DNAH9: variants seen among roughly 807,000 people sequenced by gnomAD.
DNAH9 encodes dynein axonemal heavy chain 9.
DNAH9 carries 345 observed loss-of-function variants against 471.6 expected under a neutral mutation model. That is an observed-to-expected ratio of 0.73 (90% confidence interval 0.67 to 0.80). The LOEUF (loss-of-function observed/expected upper bound fraction) is 0.80, where lower values mean the gene tolerates loss of function less well. Among genes scored for constraint, DNAH9 ranks in the 30% least tolerant of loss-of-function variants. The pLI, the probability that DNAH9 is intolerant of heterozygous loss-of-function variation, is 0.00. For missense variants in DNAH9, 5,407 were observed against 5,609.2 expected (o/e 0.96, Z 1.15); for synonymous variants, 2,093 against 2,123.6 (o/e 0.99, Z 0.40).
intron 7 of DNAH9, among the ~76,000 whole-genome samples, chr17:11,631,897 G>A (rs963516621): frequency 6.6e-6 from 1 of 151,372 alleles, no homozygotes; most frequent in African/African-American, 2.4e-5. Context: ...AGATTGGCGT[G>A]ACCAATGTTT....
In DNAH9 at chr17:11,962,046, C is replaced by G. The variant is rs1976240543; in HGVS notation, c.13023C>G (p.Pro4341=). Residue 4341 remains proline, a synonymous_variant, in exon 68 of 69, where the codon CCC becomes CCG. Coordinates refer to ENST00000262442, the MANE Select transcript of DNAH9 (RefSeq NM_001372.4). The surrounding 1 kb of genome is among the most constrained non-coding windows in gnomAD (Gnocchi z 4.1). ...LEAWTGDFTM[P]STVWLTGFFN... ...CTTGGACGGGTGACTTTACAATGCC[C>G]TCCACTGTGTGGCTGACAGGCTTCT... is the stretch of plus-strand genomic sequence containing the variant. 1.2e-6 allele frequency: 2 copies of G among 1,614,104 alleles called. No individual in the cohort carries two copies. Among genetic ancestry groups the G allele is most frequent in the Non-Finnish European group, 1.7e-6 (2 of 1,180,052 alleles).
intron 43 of DNAH9, among the ~76,000 whole-genome samples, chr17:11,801,578 A>C (rs4791477): frequency 0.74 from 112,931 of 152,066 alleles, 42,799 homozygotes; most frequent in African/African-American, 0.89. Context: ...GAAATCCCAG[A>C]TACTCGGGAG....
chr17:11,766,982 A>G (rs12951663), intron 36 of DNAH9, among the ~76,000 whole-genome samples: 97,974 of 150,440 alleles, frequency 0.65, 33,051 homozygotes, highest in East Asian at 0.84. Flanking sequence ...AAAAAAAAAA[A>G]AAAGAAAGAA....
At position 11,701,174 on chromosome 17, in the gene DNAH9, A is replaced by G. The variant is rs1250173930; in HGVS notation, c.5078A>G (p.His1693Arg). Reference sequence around the variant, plus strand: ...GGTCACATGAAGGCCACTGTGAGGCATGAGATGACAGAAGGTGTAACTGCC... The same window carrying G: ...GGTCACATGAAGGCCACTGTGAGGCGTGAGATGACAGAAGGTGTAACTGCC... ...VLGHMKATVR[H>R]EMTEGVTAYE... is the part of the protein sequence containing the mutation. Residue 1693 changes from histidine to arginine, a missense_variant, in exon 24 of 69, where the codon CAT (histidine) becomes CGT (arginine). Coordinates refer to ENST00000262442, the MANE Select transcript of DNAH9 (RefSeq NM_001372.4). The G allele has an allele frequency of 1.2e-6, 2 of 1,614,032 alleles. No homozygotes were observed. The highest frequency in any genetic ancestry group is 1.7e-6 in the Non-Finnish European group (2 of 1,180,002).
At chr17:11,750,977 T>C (rs1004893003) in intron 32 of DNAH9, among the ~76,000 whole-genome samples, 27 of 152,016 alleles carry the variant, frequency 1.8e-4, no homozygotes, top group Non-Finnish European at 8.8e-5. Context: ...TGGTTCGCTG[T>C]AAAGACCAAT....
chr17:11,807,768 A>G lies in DNAH9; in HGVS notation c.8457A>G (p.Gly2819=). ...HINRILESPR[G]NALLVGVGGS... is the part of the protein sequence containing the mutation. ...ATCGCATCTTGGAGTCCCCGCGGGG[A>G]AATGCTCTGCTGGTTGGTGTAGGTG... The change falls in exon 44 of 69, where the codon GGA becomes GGG. Residue 2819 remains glycine, a synonymous_variant. Transcript: ENST00000262442. 3.1e-6 allele frequency: 5 copies of G among 1,613,004 alleles called. No homozygotes were observed. Among genetic ancestry groups the G allele is most frequent in the Non-Finnish European group, 4.2e-6 (5 of 1,179,180 alleles).
rs1387288950 is a variant in DNAH9 at position 11,660,715 on chromosome 17, A to G, written c.2596-4118A>G. Among the ~76,000 whole-genome samples, 3 of 152,298 alleles carry G rather than the reference A, an allele frequency of 2.0e-5. No homozygotes were observed. The East Asian group carries it at 5.8e-4, about 29-fold the overall frequency. On this transcript the variant is annotated intron_variant, in intron 14 of 68. Coordinates refer to ENST00000262442, the MANE Select transcript of DNAH9 (RefSeq NM_001372.4). Reference sequence around the variant, plus strand: ...CTTCTCTGGATATCTTTAAAAATTGATATCTAATTTAATTCTATTGTGCTC... The same window carrying G: ...CTTCTCTGGATATCTTTAAAAATTGGTATCTAATTTAATTCTATTGTGCTC...
chr17:11,944,911 T>G (rs1484143126), intron 67 of DNAH9, among the ~76,000 whole-genome samples: 1 of 152,078 alleles, frequency 6.6e-6, no homozygotes, highest in East Asian at 1.9e-4. Flanking sequence ...AAAATGAAGG[T>G]GCAAAGGGGA....
chr17:11,793,329 T>G (rs1196783922), intron 41 of DNAH9, among the ~76,000 whole-genome samples, 174 bp from the exon 42 acceptor site: 1 of 152,164 alleles, frequency 6.6e-6, no homozygotes, highest in Admixed American at 6.5e-5. Context: ...CTTGGGTCTT[T>G]CTTTACAAGC....
intron 1 of DNAH9, among the ~76,000 whole-genome samples, chr17:11,604,767 A>G (rs1414262588): frequency 6.6e-6 from 1 of 151,966 alleles, no homozygotes; most frequent in Non-Finnish European, 1.5e-5. Flanking sequence ...CAAAATTTGT[A>G]TGGAATCAGG....
At chr17:11,750,573 G>C (rs1407667327) in intron 32 of DNAH9, among the ~76,000 whole-genome samples, 2 of 152,056 alleles carry the variant, frequency 1.3e-5, no homozygotes, top group Non-Finnish European at 2.9e-5. Context: ...TCAATTTACA[G>C]GTCACATTCT....
intron 20 of DNAH9, among the ~76,000 whole-genome samples, chr17:11,692,567 C>T (rs2074353519): frequency 6.6e-6 from 1 of 152,194 alleles, no homozygotes; most frequent in African/African-American, 2.4e-5. Flanking sequence ...GATCCACTAT[C>T]TACTTACGAA....
At chr17:11,875,568 C>A (rs1341842618) in intron 53 of DNAH9, among the ~76,000 whole-genome samples, 2 of 152,186 alleles carry the variant, frequency 1.3e-5, no homozygotes, top group African/African-American at 4.8e-5. Context: ...CTCTCCTCTA[C>A]CCATTATTTC....
In DNAH9 at chr17:11,834,827, T is replaced by G. The variant is rs1970793303; in HGVS notation, c.9436T>G (p.Cys3146Gly). 1.7e-5 allele frequency: 28 copies of G among 1,613,912 alleles called. No homozygotes were observed. Among genetic ancestry groups the G allele is most frequent in the Non-Finnish European group, 2.3e-5 (27 of 1,180,026 alleles). ...MLEVKQKQKD[C>G]EEDLAKAEPA... ...AGAGGTGAAACAGAAGCAGAAGGAC[T>G]GTGAGGAGGACCTGGCAAAGGCTGA... The change falls in exon 49 of 69, where the codon TGT becomes GGT. Residue 3146 changes from cysteine (C) to glycine (G), a missense_variant. By Grantham distance (159) the Cys-to-Gly change is radical (BLOSUM62 -3). Coordinates refer to ENST00000262442, the MANE Select transcript of DNAH9 (RefSeq NM_001372.4).
chr17:11,800,792 A>G (rs1247243737), intron 43 of DNAH9, among the ~76,000 whole-genome samples: 1 of 152,162 alleles, frequency 6.6e-6, no homozygotes, highest in African/African-American at 2.4e-5. Flanking sequence ...CTCATCCAAC[A>G]TATATTTATT....
intron 68 of DNAH9, among the ~76,000 whole-genome samples, chr17:11,963,948 AC>A (rs1361896498): frequency 6.6e-6 from 1 of 152,198 alleles, no homozygotes; most frequent in Non-Finnish European, 1.5e-5. Flanking sequence ...ATTACCAGCA[AC>A]CATCAGAAGC....
At chr17:11,874,359 C>T (rs182498816) in intron 52 of DNAH9, among the ~76,000 whole-genome samples, 96 of 152,308 alleles carry the variant, frequency 6.3e-4, no homozygotes, top group Admixed American at 1.2e-3. Flanking sequence ...CAGGCAAGTT[C>T]TCAGACTGAT....
intron 25 of DNAH9, 41 bp downstream of exon 25, chr17:11,704,483 G>A: frequency 1.9e-6 from 3 of 1,598,942 alleles, no homozygotes; most frequent in Non-Finnish European, 2.6e-6. Flanking sequence ...TTTGTGTACA[G>A]CTACACTGAG....
intron 61 of DNAH9, among the ~76,000 whole-genome samples, chr17:11,910,482 A>G (rs901753702): frequency 3.3e-5 from 5 of 152,156 alleles, no homozygotes; most frequent in African/African-American, 1.2e-4. Flanking sequence ...GGGCTATTTC[A>G]TCTTTTAGCT....
Sources: allele counts gnomAD v4.1 joint callset (sites outside exome capture counted in the v4.1 genomes callset), GRCh38; gene constraint gnomAD v4.1.1; non-coding constraint Gnocchi (gnomAD v3.1); transcripts MANE v1.5; gene names NCBI Gene and HGNC (gene_info 2026-07-23, HGNC 2026-07-21).